The following PRELID2 variants were observed in gnomAD, a reference collection of about 807,000 sequenced individuals.
PRELID2 encodes PRELI domain-containing protein 2.
In PRELID2, 25 loss-of-function variants were observed where a neutral mutation model predicts 28.4. The ratio of observed to expected loss-of-function variants is 0.88; its 90% CI spans 0.64 to 1.23. The LOEUF is 1.23. Ranked by LOEUF, PRELID2 falls within the 50% of genes most tolerant of loss-of-function variation. PRELID2 has a pLI of 0.00. For missense variants in PRELID2, 201 were observed against 214.4 expected, an observed-to-expected ratio of 0.94 and a Z score of 0.39; for synonymous variants, 76 against 71.6, an observed-to-expected ratio of 1.06 and a Z score of -0.31.
intron 1 of PRELID2, among the ~76,000 whole-genome samples, chr5:145,620,409 T>G (rs1222471640): frequency 2.0e-5 from 3 of 152,164 alleles, no homozygotes; most frequent in Admixed American, 1.3e-4. Context: ...TGGCTGATAA[T>G]GATGATCCAT....
the PRELID2 span, among the ~76,000 whole-genome samples, chr5:145,233,373 A>G: frequency 3.3e-5 from 5 of 152,090 alleles, no homozygotes; most frequent in African/African-American, 1.2e-4. Context: ...TTCCACAGGC[A>G]TGCCCTTACA....
chr5:145,493,566 C>G (rs977504617), intron 1 of PRELID2, among the ~76,000 whole-genome samples: 1 of 152,162 alleles, frequency 6.6e-6, no homozygotes, highest in Non-Finnish European at 1.5e-5. Flanking sequence ...ACCCCCAATT[C>G]ATCTGTCAGC....
chr5:145,471,551 G>T (rs1174115867), downstream of PRELID2, among the ~76,000 whole-genome samples: 1 of 151,830 alleles, frequency 6.6e-6, no homozygotes, highest in Non-Finnish European at 1.5e-5. Context: ...TATTAATAAT[G>T]ATAATATGGG....
At chr5:145,477,013 T>C (rs2126611845) in intron 1 of PRELID2, among the ~76,000 whole-genome samples, 1 of 152,318 alleles carries the variant, frequency 6.6e-6, no homozygotes, top group East Asian at 1.9e-4. Flanking sequence ...TTCAATGATG[T>C]TTTTCTATAA....
intron 1 of PRELID2, among the ~76,000 whole-genome samples, chr5:145,473,847 G>A (rs1372273867): frequency 1.3e-5 from 2 of 152,096 alleles, no homozygotes. Context: ...CCTTGGGATG[G>A]CTTCAAAGAT....
downstream of PRELID2, among the ~76,000 whole-genome samples, chr5:145,752,865 A>C (rs983259206): frequency 3.9e-5 from 6 of 152,174 alleles, no homozygotes; most frequent in African/African-American, 9.7e-5. Context: ...TGGTTTCTGC[A>C]AGACTAATGA....
At chr5:145,598,282 G>A (rs1734904859) in intron 1 of PRELID2, among the ~76,000 whole-genome samples, 1 of 152,126 alleles carries the variant, frequency 6.6e-6, no homozygotes, top group African/African-American at 2.4e-5. Flanking sequence ...GGAGAACAAA[G>A]TCAAAATTTA....
At chr5:145,696,776 T>A (rs1193711923) in intron 1 of PRELID2, among the ~76,000 whole-genome samples, 1 of 151,962 alleles carries the variant, frequency 6.6e-6, no homozygotes, top group East Asian at 1.9e-4. Context: ...CTCTAAAATA[T>A]TTGAAAAAAT....
the PRELID2 span, among the ~76,000 whole-genome samples, chr5:145,411,674 G>A: frequency 5.9e-5 from 9 of 152,104 alleles, no homozygotes; most frequent in Non-Finnish European, 8.8e-5. Flanking sequence ...TCCTTCTCAC[G>A]CTCTACTAGG....
At chr5:145,404,064 G>A in the PRELID2 span, among the ~76,000 whole-genome samples, 11 of 152,114 alleles carry the variant, frequency 7.2e-5, no homozygotes, top group Non-Finnish European at 1.2e-4. Context: ...GATTTGAAGC[G>A]GATTAAATAT....
chr5:145,393,457 T>C, the PRELID2 span, among the ~76,000 whole-genome samples: 3 of 152,122 alleles, frequency 2.0e-5, no homozygotes, highest in Non-Finnish European at 2.9e-5. Flanking sequence ...GATTCAAGCA[T>C]CGGGCAGCCT....
At chr5:145,676,469 G>A (rs1754820316) in intron 1 of PRELID2, among the ~76,000 whole-genome samples, 2 of 152,262 alleles carry the variant, frequency 1.3e-5, no homozygotes, top group Non-Finnish European at 2.9e-5. Flanking sequence ...AACCCAGGAG[G>A]TGGAGGTTGC....
intron 1 of PRELID2, among the ~76,000 whole-genome samples, chr5:145,580,095 A>G (rs185713571): frequency 6.2e-4 from 95 of 152,210 alleles, no homozygotes; most frequent in African/African-American, 2.1e-3. Context: ...GAGTCAATTT[A>G]TGATTTTGGC....
chr5:145,474,022 G>A (rs958818572), intron 1 of PRELID2, among the ~76,000 whole-genome samples: 5 of 152,158 alleles, frequency 3.3e-5, no homozygotes, highest in Admixed American at 3.3e-4. Context: ...GTGAAGAAAA[G>A]TGTTTTTGGC....
chr5:145,818,948 A>T (rs1025139456), intron 3 of PRELID2, among the ~76,000 whole-genome samples: 1 of 152,142 alleles, frequency 6.6e-6, no homozygotes, highest in African/African-American at 2.4e-5. Context: ...AGTGGGAGGT[A>T]ACTGAATCAC....
At chr5:145,742,544 A>T (rs1277363003) in intron 1 of PRELID2, among the ~76,000 whole-genome samples, 3 of 149,428 alleles carry the variant, frequency 2.0e-5, no homozygotes, top group Non-Finnish European at 4.5e-5. Context: ...AAAAAAAAAA[A>T]AAGAACTAAA....
intron 1 of PRELID2, among the ~76,000 whole-genome samples, chr5:145,537,450 T>G (rs1190968501): frequency 6.6e-6 from 1 of 151,858 alleles, no homozygotes; most frequent in Non-Finnish European, 1.5e-5. Context: ...AGTATGTAAG[T>G]TTCCCCTTTT....
At chr5:145,493,929 T>C (rs561780520) in intron 1 of PRELID2, among the ~76,000 whole-genome samples, 36 of 152,328 alleles carry the variant, frequency 2.4e-4, no homozygotes, top group South Asian at 8.3e-4. Flanking sequence ...GATGCTTTCA[T>C]TGGAGTGTAA....
chr5:145,343,642 A>G, the PRELID2 span, among the ~76,000 whole-genome samples: 1 of 151,950 alleles, frequency 6.6e-6, no homozygotes, highest in Non-Finnish European at 1.5e-5. Context: ...ACCCAAAATT[A>G]GCAGAAGAAA....
Sources: gnomAD v4.1 joint callset for allele counts (sites outside exome capture counted in the v4.1 genomes callset) on GRCh38, gnomAD v4.1.1 for gene constraint, MANE v1.5 for transcripts, NCBI Gene and HGNC (gene_info 2026-07-23, HGNC 2026-07-21) for gene names.